SLC44A2: variants seen among roughly 807,000 people sequenced by gnomAD.
The protein encoded by SLC44A2 is choline transporter-like protein 2.
A neutral mutation model predicts 90.8 loss-of-function variants in SLC44A2; 57 were observed. The observed-to-expected ratio is 0.63, with a 90% CI of 0.51 to 0.78. The LOEUF is 0.78. Ranked by LOEUF, SLC44A2 falls within the 30% of genes least tolerant of loss-of-function variation. The pLI, the probability that SLC44A2 is intolerant of heterozygous loss-of-function variation, is 0.00. For synonymous variants in SLC44A2, 355 were observed against 360.7 expected, an observed-to-expected ratio of 0.98 and a Z score of 0.18; for missense variants, 794 against 919.7, an observed-to-expected ratio of 0.86 and a Z score of 1.77.
chr19:10,621,422 G>GT (rs34643212), upstream of SLC44A2, among the ~76,000 whole-genome samples: 48,271 of 89,180 alleles, frequency 0.54, 11,498 homozygotes, highest in African/African-American at 0.57. Context: ...ATGGTTGGGT[G>GT]TTTTTTTTTT....
intron 10 of SLC44A2, 141 bp from the exon 11 acceptor site, chr19:10,634,615 C>T: frequency 8.8e-7 from 1 of 1,137,618 alleles, no homozygotes; most frequent in Non-Finnish European, 1.3e-6. Flanking sequence ...GGAGAGAATG[C>T]ACCGGGCGGT....
At chr19:10,615,430 C>T (rs541608717) in intron 1 of SLC44A2, among the ~76,000 whole-genome samples, 1 of 151,836 alleles carries the variant, frequency 6.6e-6, no homozygotes, top group Admixed American at 6.6e-5. Flanking sequence ...AAAAATTAGC[C>T]AGGCATGGTG....
intron 1 of SLC44A2, among the ~76,000 whole-genome samples, chr19:10,606,607 T>C (rs939679848): frequency 1.8e-4 from 27 of 152,114 alleles, no homozygotes; most frequent in Non-Finnish European, 7.3e-5. Flanking sequence ...GGTCTGGAGT[T>C]TGAGACCAAC....
intron 4 of SLC44A2, among the ~76,000 whole-genome samples, chr19:10,629,758 CTT>C (rs927015027): frequency 1.9e-4 from 28 of 144,520 alleles, no homozygotes; most frequent in African/African-American, 6.0e-4. Flanking sequence ...TATAAGATAT[CTT>C]TTTTTTTTTT....
At chr19:10,625,324 C>T (rs2144838264), upstream of SLC44A2, 1 of 481,920 alleles carries the variant, frequency 2.1e-6, no homozygotes, top group Non-Finnish European at 3.1e-6. Flanking sequence ...GGGTTCTAGG[C>T]GGCATCGCCC....
In SLC44A2 at chr19:10,627,657, G is replaced by T. The variant is rs1599243629; in HGVS notation, c.87-65G>T. The T allele has an allele frequency of 4.7e-5, 73 of 1,557,696 alleles. 1 individual carries two copies. In the South Asian group the frequency reaches 7.7e-4, roughly 16 times the overall value. ...CACATGGATGAGGGTGTTTGCAGAG[G>T]GCAGATGGGCCCATGGTGCACACAG... On this transcript the variant is annotated intron_variant, in intron 2 of 21. Transcript: ENST00000335757.
intron 1 of SLC44A2, among the ~76,000 whole-genome samples, chr19:10,603,903 G>A (rs1447875846): frequency 6.6e-6 from 1 of 152,178 alleles, no homozygotes; most frequent in East Asian, 1.9e-4. Flanking sequence ...AGGGACGAGG[G>A]GCAGAATGGA....
intron 1 of SLC44A2, among the ~76,000 whole-genome samples, chr19:10,607,372 G>A (rs1162826023): frequency 6.6e-6 from 1 of 151,924 alleles, no homozygotes; most frequent in Admixed American, 6.6e-5. Context: ...TATACACAGG[G>A]TCTCACTCTG....
rs150052455 is a variant in SLC44A2, at chr19:10,613,701, G to A, written c.31+11140G>A. Among the ~76,000 whole-genome samples the A allele has an allele frequency of 4.1e-3, 628 of 152,236 alleles. 3 individuals are homozygous for A. The highest frequency in any genetic ancestry group is 0.014 in the African/African-American group (591 of 41,564). On this transcript the variant is annotated intron_variant, in intron 1 of 21. Transcript: ENST00000407327. Reference sequence around the variant, plus strand: ...GTCTCTTTAAGAAAAATGGAAGAGGGTGGTAGCAGAGTCAGAGGAGGACAT... The same window carrying A: ...GTCTCTTTAAGAAAAATGGAAGAGGATGGTAGCAGAGTCAGAGGAGGACAT...
chr19:10,635,247 C>G lies in SLC44A2; in HGVS notation c.1140C>G (p.Ser380Arg). ...GCCTCTGCATCGCCTACTGGGCCAG[C>G]ACTGCTGTGTATCTGCCCCCAGACA... ...LLCLCIAYWASTAVFLSTSNE... is the reference protein window; with the variant it reads ...LLCLCIAYWARTAVFLSTSNE... The change falls in exon 13 of 22, where the codon AGC becomes AGG. Residue 380 changes from serine to arginine, a missense_variant. By Grantham distance (110) the Ser-to-Arg change is moderately radical (BLOSUM62 -1). Around this residue, in one of 3 missense-constraint regions of SLC44A2, gnomAD observed 738 missense variants for 841.1 expected, o/e 0.88. Transcript: ENST00000335757. 6.2e-7 allele frequency: 1 copy of G among 1,613,980 alleles called. No individual in the cohort carries two copies. Among genetic ancestry groups the G allele is most frequent in the Non-Finnish European group, 8.5e-7 (1 of 1,180,012 alleles).
chr19:10,611,288 C>T (rs1215324237), intron 1 of SLC44A2, among the ~76,000 whole-genome samples: 2 of 151,956 alleles, frequency 1.3e-5, no homozygotes, highest in East Asian at 1.9e-4. Context: ...CCCATCTCTG[C>T]TAACACTACA....
In SLC44A2 at chr19:10,631,487, G is replaced by A. The variant is rs769965009; in HGVS notation, c.454G>A (p.Val152Met). 1.2e-6 allele frequency: 2 copies of A among 1,614,084 alleles called. No homozygotes were observed. Among genetic ancestry groups the A allele is most frequent in the South Asian group, 1.1e-5 (1 of 91,084 alleles). The change falls in exon 7 of 22, where the codon GTG becomes ATG. Residue 152 changes from valine (V) to methionine (M), a missense_variant. By Grantham distance (21) the Val-to-Met change is conservative (BLOSUM62 1). Coordinates refer to ENST00000335757, the MANE Select transcript of SLC44A2 (RefSeq NM_020428.4). ...GFKNNKGVAE[V>M]LQDGDCPAVL... ...TCTCTCTTGGCAGGGAGTGGCTGAG[G>A]TGCTTCAAGATGGTGACTGCCCTGC... is the stretch of plus-strand genomic sequence containing the variant.
chr19:10,606,911 A>AT lies in SLC44A2; in HGVS notation c.31+4368dup, dbSNP rs1012814720. Among the ~76,000 whole-genome samples the AT allele has an allele frequency of 2.6e-3, 346 of 133,232 alleles. 1 individual carries two copies. Among genetic ancestry groups the AT allele is most frequent in the East Asian group, 5.3e-3 (25 of 4,704 alleles). The allele number at this position is 133,232 out of a possible 152,430, so 87.4% of individuals were successfully genotyped here. On this transcript the variant is annotated intron_variant, in intron 1 of 21. Coordinates refer to the SLC44A2 transcript ENST00000407327. ...TATGAAAAGGTAGTTACTTACGGCT[A>AT]TTTTTTTTTTTTTTTTTTGAGACGG...
intron 1 of SLC44A2, among the ~76,000 whole-genome samples, chr19:10,617,066 C>G (rs1374779868): frequency 6.6e-6 from 1 of 152,102 alleles, no homozygotes; most frequent in African/African-American, 2.4e-5. Flanking sequence ...AGACTACAGG[C>G]TCTCGCCACC....
intron 4 of SLC44A2, among the ~76,000 whole-genome samples, chr19:10,630,842 TAA>T (rs2066986028): frequency 6.7e-6 from 1 of 150,038 alleles, no homozygotes; most frequent in South Asian, 2.1e-4. Flanking sequence ...CCATCTCTAC[TAA>T]AAATACAAAA....
chr19:10,608,082 G>A (rs1340955503), intron 1 of SLC44A2, among the ~76,000 whole-genome samples: 1 of 151,838 alleles, frequency 6.6e-6, no homozygotes, highest in Non-Finnish European at 1.5e-5. Context: ...AATTAGCTGG[G>A]CATGGTGGCA....
chr19:10,607,732 T>TTTA (rs796903085), intron 1 of SLC44A2, among the ~76,000 whole-genome samples: 8 of 145,826 alleles, frequency 5.5e-5, no homozygotes, highest in Non-Finnish European at 1.2e-4. Context: ...TCCTCAATCA[T>TTTA]TTATTATTAT....
At chr19:10,615,338 C>G (rs1246926199) in intron 1 of SLC44A2, among the ~76,000 whole-genome samples, 1 of 151,844 alleles carries the variant, frequency 6.6e-6, no homozygotes, top group African/African-American at 2.4e-5. Flanking sequence ...CTTTGGGAGG[C>G]CAAGGTGGGA....
chr19:10,638,128 G>A (rs2067079057), intron 19 of SLC44A2, 35 bp downstream of exon 19: 2 of 1,613,612 alleles, frequency 1.2e-6, no homozygotes, highest in South Asian at 2.2e-5. Context: ...CGGGGTGTGG[G>A]AGCCTGATTT....
Sources: allele counts gnomAD v4.1 joint callset (sites outside exome capture counted in the v4.1 genomes callset), GRCh38; gene constraint gnomAD v4.1.1; regional missense constraint gnomAD v4.1.1; transcripts MANE v1.5; gene names NCBI Gene and HGNC (gene_info 2026-07-23, HGNC 2026-07-21).